CDK15: variants seen among roughly 807,000 people sequenced by gnomAD.
CDK15 encodes the protein cyclin-dependent kinase 15.
In CDK15, 62 loss-of-function variants were observed where a neutral mutation model predicts 60.3. That is an observed-to-expected ratio of 1.03 (90% CI 0.84 to 1.27). CDK15 has a LOEUF of 1.27. Among genes scored for constraint, CDK15 ranks in the 50% most tolerant of loss-of-function variants. The pLI, the probability that CDK15 is intolerant of heterozygous loss-of-function variation, is 0.00. For synonymous variants in CDK15, 194 were observed against 195.7 expected, an observed-to-expected ratio of 0.99 and a Z score of 0.07; for missense variants, 541 against 527.8, an observed-to-expected ratio of 1.03 and a Z score of -0.25.
Position 201,865,554 on chromosome 2 carries a change from C to T in CDK15, c.1010-6724C>T, listed in dbSNP as rs200067914. On this transcript the variant is annotated intron_variant, in intron 10 of 13. Transcript: ENST00000652192. ...CCAAGGAGCACCCTCAGTGAGGACA[C>T]TGGCTTTTAGAGCATCCTGATGATG... is the stretch of plus-strand genomic sequence containing the variant. Among the ~76,000 whole-genome samples the T allele has an allele frequency of 4.9e-3, 749 of 152,296 alleles. 7 individuals carry two copies. Among genetic ancestry groups the T allele is most frequent in the Non-Finnish European group, 8.3e-3 (568 of 68,038 alleles).
chr2:201,814,818 A>G (rs187215584), intron 4 of CDK15, among the ~76,000 whole-genome samples: 100 of 152,326 alleles, frequency 6.6e-4, no homozygotes, highest in African/African-American at 2.3e-3. Context: ...TTTACTACAT[A>G]TATGGTCTCT....
At chr2:201,877,245 C>T (rs1037085480) in intron 11 of CDK15, among the ~76,000 whole-genome samples, 14 of 152,184 alleles carry the variant, frequency 9.2e-5, no homozygotes, top group African/African-American at 3.4e-4. Flanking sequence ...AAACAGGTCT[C>T]CCAGCCTTCC....
chr2:201,829,663 G>A (rs574424791), intron 6 of CDK15, among the ~76,000 whole-genome samples: 76 of 152,120 alleles, frequency 5.0e-4, no homozygotes, highest in Non-Finnish European at 8.8e-4. Context: ...TCAGAATACG[G>A]TTGTTCATTA....
intron 12 of CDK15, among the ~76,000 whole-genome samples, chr2:201,881,080 G>A (rs577696726): frequency 6.6e-6 from 1 of 152,288 alleles, no homozygotes; most frequent in South Asian, 2.1e-4. Context: ...GGGCGTGGGG[G>A]AGTGGCGATG....
intron 7 of CDK15, 91 bp from the exon 8 acceptor site, chr2:201,835,552 T>C: frequency 7.6e-7 from 1 of 1,318,244 alleles, no homozygotes; most frequent in South Asian, 2.2e-5. Flanking sequence ...TTGTGTGTTA[T>C]TTTTTCTAAT....
At chr2:201,889,228 C>T (rs1699559386) in intron 12 of CDK15, 1 of 985,358 alleles carries the variant, frequency 1.0e-6, no homozygotes, top group Non-Finnish European at 1.2e-6. Flanking sequence ...TAACAGAAGG[C>T]TCTCTTTTTG....
At chr2:201,889,753 T>C (rs1192321202) in intron 12 of CDK15, among the ~76,000 whole-genome samples, 1 of 152,022 alleles carries the variant, frequency 6.6e-6, no homozygotes, top group African/African-American at 2.4e-5. Flanking sequence ...TTAGAGTCTA[T>C]ATAAATAGAT....
intron 12 of CDK15, among the ~76,000 whole-genome samples, chr2:201,887,839 G>A (rs556323011): frequency 6.6e-6 from 1 of 152,230 alleles, no homozygotes; most frequent in Middle Eastern, 3.4e-3. Flanking sequence ...GATCCTCTGG[G>A]CTTTGAAGAT....
At chr2:201,814,195 T>G (rs543009518) in intron 4 of CDK15, among the ~76,000 whole-genome samples, 1 of 152,332 alleles carries the variant, frequency 6.6e-6, no homozygotes, top group South Asian at 2.1e-4. Flanking sequence ...TAACAGATGG[T>G]TCTCAGCATG....
intron 8 of CDK15, among the ~76,000 whole-genome samples, chr2:201,843,184 T>G (rs1464812865): frequency 6.6e-6 from 1 of 151,954 alleles, no homozygotes; most frequent in Non-Finnish European, 1.5e-5. Context: ...TAAGATAAAT[T>G]GCATAGTTCT....
chr2:201,863,581 G>C lies in CDK15; in HGVS notation c.1009+8644G>C, dbSNP rs961401511. On this transcript the variant is annotated intron_variant, in intron 10 of 13. Transcript: ENST00000652192. ...AAACACAGAGCTGGGGCTGGGTGTG[G>C]TGGCTCACTCCTGTAATCCCAGCAC... is the stretch of plus-strand genomic sequence containing the variant. 5.3e-5 allele frequency among the ~76,000 whole-genome samples: 8 copies of C among 152,230 alleles called. No homozygotes were observed. The East Asian group carries it at 1.4e-3, about 26-fold the overall frequency.
At chr2:201,809,094 T>C (rs895152076) in intron 3 of CDK15, among the ~76,000 whole-genome samples, 20 of 152,152 alleles carry the variant, frequency 1.3e-4, no homozygotes, top group Admixed American at 3.3e-4. Context: ...CTTAACTTTT[T>C]TCAATGCTGA....
At chr2:201,821,090 G>T (rs903292363) in intron 4 of CDK15, among the ~76,000 whole-genome samples, 10 of 152,146 alleles carry the variant, frequency 6.6e-5, no homozygotes, top group African/African-American at 1.9e-4. Flanking sequence ...TTATTCCCAG[G>T]CATGTTGTCA....
At chr2:201,817,743 T>G (rs1187705108) in intron 4 of CDK15, among the ~76,000 whole-genome samples, 1 of 152,208 alleles carries the variant, frequency 6.6e-6, no homozygotes, top group African/African-American at 2.4e-5. Flanking sequence ...ACAGAAAGTC[T>G]GCCATTGAAC....
At chr2:201,824,767 C>G in intron 6 of CDK15, 1 of 718,966 alleles carries the variant, frequency 1.4e-6, no homozygotes, top group Middle Eastern at 5.8e-4. Flanking sequence ...AGAGCTTCAG[C>G]GCCTAATGAT....
chr2:201,876,168 A>G (rs754863221), intron 11 of CDK15, among the ~76,000 whole-genome samples: 3 of 152,214 alleles, frequency 2.0e-5, no homozygotes, highest in Non-Finnish European at 4.4e-5. Context: ...GGTTGTAACC[A>G]GTGGATAATT....
At chr2:201,822,115 C>G (rs774140882) in intron 4 of CDK15, among the ~76,000 whole-genome samples, 1 of 152,208 alleles carries the variant, frequency 6.6e-6, no homozygotes, top group Non-Finnish European at 1.5e-5. Flanking sequence ...TTCTTTCCTT[C>G]AAGGCTGCCT....
At chr2:201,809,722 C>T (rs1695670850) in intron 3 of CDK15, among the ~76,000 whole-genome samples, 1 of 152,088 alleles carries the variant, frequency 6.6e-6, no homozygotes, top group Admixed American at 6.5e-5. Context: ...TATAGAATCC[C>T]TACCCTCCAT....
At position 201,807,959 on chromosome 2, in the gene CDK15, G is replaced by C; in HGVS notation, c.368+7G>C. 1 of 1,610,294 alleles carries C rather than the reference G, an allele frequency of 6.2e-7. No homozygotes were observed. The highest frequency in any genetic ancestry group is 8.5e-7 in the Non-Finnish European group (1 of 1,177,972). ...TTTACAAGGGGATTAGCAGGTGAGT[G>C]ACACATAGCTGGGAGAGACTTTAGA... On this transcript the variant is annotated splice_region_variant and intron_variant, in intron 3 of 13. Coordinates refer to ENST00000652192, the MANE Select transcript of CDK15 (RefSeq NM_001366386.2).
Sources: allele counts gnomAD v4.1 joint callset (sites outside exome capture counted in the v4.1 genomes callset), GRCh38; gene constraint gnomAD v4.1.1; transcripts MANE v1.5; gene names NCBI Gene and HGNC (gene_info 2026-07-23, HGNC 2026-07-21).